Variants in TENM4 observed in about 807,000 individuals in gnomAD.
TENM4 encodes teneurin-4.
In TENM4, 82 loss-of-function variants were observed where a neutral mutation model predicts 243.3. The observed-to-expected ratio is 0.34, with a 90% CI of 0.28 to 0.40. The LOEUF is 0.40. Among genes scored for constraint, TENM4 ranks in the 10% least tolerant of loss-of-function variants. The pLI, the probability that TENM4 is intolerant of heterozygous loss-of-function variation, is 1.00. For synonymous variants in TENM4, 1,412 were observed against 1,456.3 expected (o/e 0.97, Z 0.69); for missense variants, 3,138 against 3,673.3 (o/e 0.85, Z 3.77).
intron 4 of TENM4, among the ~76,000 whole-genome samples, chr11:79,132,198 G>A (rs1015477432): frequency 1.1e-4 from 16 of 150,978 alleles, no homozygotes; most frequent in Admixed American, 9.2e-4. Context: ...AAAAAAAAAT[G>A]AGCCGGGCGC....
intron 4 of TENM4, among the ~76,000 whole-genome samples, chr11:79,115,402 A>G (rs1861597773): frequency 6.6e-6 from 1 of 152,192 alleles, no homozygotes; most frequent in Non-Finnish European, 1.5e-5. Context: ...TCTACTGACT[A>G]TACCTTAGTA....
chr11:79,064,691 C>G (rs35294698), intron 6 of TENM4, 47 bp downstream of exon 6: 1 of 1,547,868 alleles, frequency 6.5e-7, no homozygotes, highest in African/African-American at 1.4e-5. Flanking sequence ...AATAAAACCC[C>G]AGCCCCACCA....
At chr11:78,951,229 C>T (rs997615768) in intron 6 of TENM4, among the ~76,000 whole-genome samples, 2 of 152,230 alleles carry the variant, frequency 1.3e-5, no homozygotes, top group African/African-American at 2.4e-5. Flanking sequence ...CATGTGTGCC[C>T]AATGCACATG....
At chr11:78,772,843 C>T (rs1856669123) in intron 17 of TENM4, among the ~76,000 whole-genome samples, 1 of 152,220 alleles carries the variant, frequency 6.6e-6, no homozygotes, top group African/African-American at 2.4e-5. Flanking sequence ...AGGGATTCCT[C>T]CAGAAGTTAG....
intron 16 of TENM4, among the ~76,000 whole-genome samples, chr11:78,781,768 G>A (rs1031632728): frequency 2.0e-5 from 3 of 152,118 alleles, no homozygotes; most frequent in Non-Finnish European, 4.4e-5. Context: ...CTAGTCATCT[G>A]AACTTCTTTC....
intron 1 of TENM4, among the ~76,000 whole-genome samples, chr11:79,382,953 C>T (rs754622725): frequency 2.6e-5 from 4 of 152,120 alleles, no homozygotes; most frequent in East Asian, 3.9e-4. Flanking sequence ...CCAGGGGCTG[C>T]GAGCAGGCAC....
intron 3 of TENM4, among the ~76,000 whole-genome samples, chr11:79,179,040 G>A (rs963198633): frequency 4.6e-5 from 7 of 152,154 alleles, no homozygotes; most frequent in African/African-American, 1.7e-4. Flanking sequence ...AGTAAGGCTG[G>A]TACAAGGACG....
intron 3 of TENM4, among the ~76,000 whole-genome samples, chr11:79,201,014 C>A (rs145633356): frequency 6.6e-6 from 1 of 152,262 alleles, no homozygotes. Flanking sequence ...TGAAAAAGTT[C>A]GTGCTGCAGA....
rs944768628 is a variant in TENM4 at position 78,903,364 on chromosome 11, T to A, written c.653A>T (p.His218Leu). ...GGCAGGGGGCTCTCCGGAGAGCGAG[T>A]GGTCCGTGGGGGCCGGGCTGGGGTT... ...RSNPSPAPTDHSLSGEPPAGG... is the reference protein window; with the variant it reads ...RSNPSPAPTDLSLSGEPPAGG... Residue 218 changes from histidine (H) to leucine (L), a missense_variant, in exon 7 of 34, where the codon CAC (histidine) becomes CTC (leucine). By Grantham distance (99) the His-to-Leu change is moderately conservative (BLOSUM62 -3). Transcript: ENST00000278550. The A allele has an allele frequency of 2.7e-6, 4 of 1,496,314 alleles. No homozygotes were observed. The highest frequency in any genetic ancestry group is 2.5e-5 in the Admixed American group (1 of 40,270). The allele number at this position is 1,496,314 out of a possible 1,614,324, so 92.7% of individuals were successfully genotyped here.
chr11:79,041,158 G>T (rs1859516353), intron 6 of TENM4, among the ~76,000 whole-genome samples: 1 of 151,888 alleles, frequency 6.6e-6, no homozygotes, highest in African/African-American at 2.4e-5. Context: ...CCGCCTCCCG[G>T]GTTCAAGTGA....
At chr11:78,885,558 C>G (rs768367954) in intron 9 of TENM4, among the ~76,000 whole-genome samples, 1 of 152,198 alleles carries the variant, frequency 6.6e-6, no homozygotes, top group Admixed American at 6.5e-5. Context: ...CATGAAAATA[C>G]CTGTAAATGT....
chr11:79,083,903 TAGG>T (rs1028941280), intron 4 of TENM4, among the ~76,000 whole-genome samples: 20 of 152,080 alleles, frequency 1.3e-4, no homozygotes, highest in Middle Eastern at 3.2e-3. Context: ...AAGCTACAGG[TAGG>T]AGAAAATTTT....
chr11:79,346,141 A>G (rs1309405620), intron 1 of TENM4, among the ~76,000 whole-genome samples: 1 of 152,148 alleles, frequency 6.6e-6, no homozygotes, highest in East Asian at 1.9e-4. Flanking sequence ...TCATTCCACT[A>G]TGCAGCAGCT....
At chr11:78,951,995 G>C (rs541881791) in intron 6 of TENM4, among the ~76,000 whole-genome samples, 2 of 152,202 alleles carry the variant, frequency 1.3e-5, no homozygotes, top group African/African-American at 4.8e-5. Flanking sequence ...CACCTCTGTA[G>C]CCCCACACAC....
chr11:78,669,470 C>T lies in TENM4; in HGVS notation c.6875G>A (p.Arg2292His), dbSNP rs543741690. 2.7e-5 allele frequency: 44 copies of T among 1,613,330 alleles called. No homozygotes were observed. The highest frequency in any genetic ancestry group is 1.5e-4 in the Admixed American group (9 of 59,982). The stretch of plus-strand genomic sequence containing the variant: ...CACGCGCCGCCCCAGGCCATCGTAG[C>T]GGTACCTGACACTCCAGCTGCCAGC... ...NRAGSWSVRY[R>H]YDGLGRRVSS... is the part of the protein sequence containing the mutation. The change falls in exon 32 of 34, where the codon CGC becomes CAC. Residue 2292 changes from arginine (R) to histidine (H), a missense_variant. Physicochemically the swap from Arg to His is conservative, Grantham distance 29. This residue lies in a region of TENM4 where 2,467 missense variants were observed against 3,059.1 expected (regional missense o/e 0.81). Transcript: ENST00000278550. This position sits in a 1 kb window ranked among gnomAD's most constrained non-coding sequence, Gnocchi z 6.4.
At chr11:79,049,774 G>A (rs1303910556) in intron 6 of TENM4, among the ~76,000 whole-genome samples, 2 of 152,220 alleles carry the variant, frequency 1.3e-5, no homozygotes, top group African/African-American at 4.8e-5. Flanking sequence ...CAACACTTGG[G>A]GCCCTGAGTC....
At chr11:78,962,592 G>T (rs1449285060) in intron 6 of TENM4, among the ~76,000 whole-genome samples, 1 of 152,086 alleles carries the variant, frequency 6.6e-6, no homozygotes, top group African/African-American at 2.4e-5. Flanking sequence ...AGGGAATCTC[G>T]GAAGCACACG....
chr11:78,864,211 A>C (rs1292021740), intron 9 of TENM4, among the ~76,000 whole-genome samples: 1 of 152,094 alleles, frequency 6.6e-6, no homozygotes. Context: ...TTTTCACTGT[A>C]CACCTTTTGC....
intron 2 of TENM4, among the ~76,000 whole-genome samples, chr11:79,261,324 C>A (rs1855792702): frequency 6.6e-6 from 1 of 152,198 alleles, no homozygotes; most frequent in Non-Finnish European, 1.5e-5. Context: ...TCTGACCCCA[C>A]AAACCTGTAC....
Sources: allele counts gnomAD v4.1 joint callset (sites outside exome capture counted in the v4.1 genomes callset), GRCh38; gene constraint gnomAD v4.1.1; regional missense constraint gnomAD v4.1.1; non-coding constraint Gnocchi (gnomAD v3.1); transcripts MANE v1.5; gene names NCBI Gene and HGNC (gene_info 2026-07-23, HGNC 2026-07-21).